Variants in FBXL17 observed in about 807,000 individuals in gnomAD.
FBXL17 encodes the protein F-box and leucine rich repeat protein 17.
A neutral mutation model predicts 66.2 loss-of-function variants in FBXL17; 22 were observed. The observed-to-expected ratio is 0.33, with a 90% confidence interval of 0.24 to 0.47. The LOEUF is 0.47. FBXL17 is among the 20% of genes least tolerant of loss of function. FBXL17 has a pLI of 1.00. For synonymous variants in FBXL17, 474 were observed against 400.5 expected (o/e 1.18, Z -2.19); for missense variants, 878 against 948.2 (o/e 0.93, Z 0.97).
intron 7 of FBXL17, among the ~76,000 whole-genome samples, chr5:108,005,834 G>C (rs1753900597): frequency 2.0e-5 from 3 of 152,208 alleles, no homozygotes. Flanking sequence ...ATATTAGGTG[G>C]TGGGGGCTTG....
intron 3 of FBXL17, among the ~76,000 whole-genome samples, chr5:108,363,860 G>C (rs1044511671): frequency 1.3e-5 from 2 of 151,952 alleles, no homozygotes; most frequent in Admixed American, 6.6e-5. Flanking sequence ...ATAAAATCAT[G>C]CTATATACAC....
chr5:108,235,167 A>G (rs1024002189), intron 4 of FBXL17, among the ~76,000 whole-genome samples: 5 of 152,212 alleles, frequency 3.3e-5, no homozygotes, highest in African/African-American at 1.2e-4. Flanking sequence ...TATAGAGTTA[A>G]TCTGTGTAAT....
intron 6 of FBXL17, among the ~76,000 whole-genome samples, chr5:108,034,150 C>G (rs938487431): frequency 5.3e-5 from 8 of 152,094 alleles, no homozygotes; most frequent in Non-Finnish European, 8.8e-5. Context: ...TATCCAGCAA[C>G]GACCAGACAA....
intron 6 of FBXL17, among the ~76,000 whole-genome samples, chr5:108,043,703 T>C (rs1214539797): frequency 6.6e-6 from 1 of 152,220 alleles, no homozygotes; most frequent in Admixed American, 6.5e-5. Context: ...TTAGTTCTTT[T>C]GACTTTCCAT....
chr5:108,166,095 T>C (rs774827852), intron 6 of FBXL17, among the ~76,000 whole-genome samples: 2 of 152,210 alleles, frequency 1.3e-5, no homozygotes, highest in Non-Finnish European at 2.9e-5. Flanking sequence ...AAAGTACATA[T>C]GATCTATCTG....
At chr5:108,110,831 G>T (rs1267694759) in intron 6 of FBXL17, among the ~76,000 whole-genome samples, 1 of 151,922 alleles carries the variant, frequency 6.6e-6, no homozygotes, top group East Asian at 1.9e-4. Context: ...AGGAGAAAAA[G>T]CCCTGCACAT....
chr5:108,207,669 T>G (rs193054186), intron 5 of FBXL17, among the ~76,000 whole-genome samples: 238 of 152,326 alleles, frequency 1.6e-3, no homozygotes, highest in South Asian at 2.7e-3. Context: ...TTTTTATGGC[T>G]GCATAGTTCT....
At chr5:108,048,133 C>T (rs1195792286) in intron 6 of FBXL17, among the ~76,000 whole-genome samples, 1 of 152,196 alleles carries the variant, frequency 6.6e-6, no homozygotes, top group Non-Finnish European at 1.5e-5. Context: ...TGAGTGACAT[C>T]TCCAGGCATG....
intron 8 of FBXL17, among the ~76,000 whole-genome samples, chr5:107,873,418 CTATT>C (rs1380609014): frequency 1.3e-5 from 2 of 152,162 alleles, no homozygotes; most frequent in East Asian, 3.8e-4. Context: ...AAAAAATAAA[CTATT>C]AATAAAATAT....
intron 5 of FBXL17, among the ~76,000 whole-genome samples, chr5:108,214,720 G>T (rs1754527472): frequency 6.6e-6 from 1 of 151,876 alleles, no homozygotes; most frequent in Admixed American, 6.6e-5. Context: ...AGAAATCTTT[G>T]TCTAACCCAA....
At position 108,164,030 on chromosome 5, in the gene FBXL17, C is replaced by G. The variant is rs528470405; in HGVS notation, c.1745+22087G>C. Among the ~76,000 whole-genome samples the G allele has an allele frequency of 2.3e-3, 351 of 152,252 alleles. 5 individuals are homozygous for G. Among genetic ancestry groups the G allele is most frequent in the African/African-American group, 8.2e-3 (340 of 41,550 alleles). On this transcript the variant is annotated intron_variant, in intron 6 of 8. Transcript: ENST00000542267. ...CAAGTATGAGCTTTTCCCTGAGCAC[C>G]TGAAAATAAGATTGTCCTCTAAATC...
intron 7 of FBXL17, among the ~76,000 whole-genome samples, chr5:107,976,474 C>T (rs976018026): frequency 6.6e-6 from 1 of 152,132 alleles, no homozygotes; most frequent in African/African-American, 2.4e-5. Flanking sequence ...CTTTCTCACT[C>T]AGAGATAAGG....
chr5:108,174,738 C>T (rs1397569454), intron 6 of FBXL17, among the ~76,000 whole-genome samples: 2 of 93,524 alleles, frequency 2.1e-5, no homozygotes, highest in Non-Finnish European at 3.9e-5. Flanking sequence ...ATACTTTTTA[C>T]ACAAAGAAGC....
chr5:107,936,739 T>A (rs1750919804), intron 7 of FBXL17, among the ~76,000 whole-genome samples: 1 of 152,084 alleles, frequency 6.6e-6, no homozygotes, highest in Non-Finnish European at 1.5e-5. Flanking sequence ...CCATTCCTGT[T>A]TCATATTGAC....
intron 4 of FBXL17, among the ~76,000 whole-genome samples, chr5:108,285,693 A>G (rs1453120598): frequency 6.6e-6 from 1 of 151,730 alleles, no homozygotes; most frequent in African/African-American, 2.4e-5. Flanking sequence ...GTGGGCTTGA[A>G]AACAGTGGGC....
intron 8 of FBXL17, 117 bp downstream of exon 8, chr5:107,880,920 A>G: frequency 6.7e-7 from 1 of 1,486,260 alleles, no homozygotes; most frequent in Non-Finnish European, 8.9e-7. Flanking sequence ...TACATATAAA[A>G]TGTATATATA....
At chr5:108,332,941 C>CAAAAAAAAAAAAAAAA (rs34218940) in intron 4 of FBXL17, among the ~76,000 whole-genome samples, 6 of 34,764 alleles carry the variant, frequency 1.7e-4, no homozygotes, top group Non-Finnish European at 2.3e-4. Context: ...AAAGCAAAAG[C>CAAAAAAAAAAAAAAAA]AAAAAAAAAA....
At chr5:107,872,455 T>C (rs988313811) in intron 8 of FBXL17, among the ~76,000 whole-genome samples, 2 of 152,246 alleles carry the variant, frequency 1.3e-5, no homozygotes, top group Non-Finnish European at 2.9e-5. Flanking sequence ...TTTAGCTGTA[T>C]AATACTTTCA....
At chr5:108,139,580 T>C (rs560063422) in intron 6 of FBXL17, among the ~76,000 whole-genome samples, 2 of 152,332 alleles carry the variant, frequency 1.3e-5, no homozygotes, top group South Asian at 4.1e-4. Flanking sequence ...CCACTTCTAA[T>C]AGCAGCTCTT....
Sources: allele counts gnomAD v4.1 joint callset (sites outside exome capture counted in the v4.1 genomes callset), GRCh38; gene constraint gnomAD v4.1.1; transcripts MANE v1.5; gene names NCBI Gene and HGNC (gene_info 2026-07-23, HGNC 2026-07-21).